The following ELP3 variants were observed in gnomAD, a reference collection of about 807,000 sequenced individuals.
ELP3 encodes elongator acetyltransferase complex subunit 3, also known as elongator complex protein 3.
A neutral mutation model predicts 74.9 loss-of-function variants in ELP3; 56 were observed. That is an observed-to-expected ratio of 0.75 (90% CI 0.60 to 0.93). ELP3 has a LOEUF of 0.93. Ranked by LOEUF, ELP3 falls within the 40% of genes least tolerant of loss-of-function variation. The pLI, the probability that ELP3 is intolerant of heterozygous loss-of-function variation, is 0.00. For missense variants in ELP3, 573 were observed against 686.5 expected, an observed-to-expected ratio of 0.83 and a Z score of 1.85; for synonymous variants, 222 against 239.8, an observed-to-expected ratio of 0.93 and a Z score of 0.68.
At chr8:28,104,544 A>T (rs1429919806) in intron 3 of ELP3, among the ~76,000 whole-genome samples, 4 of 152,170 alleles carry the variant, frequency 2.6e-5, no homozygotes, top group African/African-American at 9.7e-5. Flanking sequence ...TAGTCTGGAC[A>T]TTTCCTTTGT....
At chr8:28,187,337 G>A (rs538208735) in intron 14 of ELP3, among the ~76,000 whole-genome samples, 3 of 152,136 alleles carry the variant, frequency 2.0e-5, no homozygotes, top group African/African-American at 4.8e-5. Context: ...AATATTTACC[G>A]TGTACCTCAC....
At chr8:28,125,501 T>C (rs906693145) in intron 7 of ELP3, among the ~76,000 whole-genome samples, 8 of 152,198 alleles carry the variant, frequency 5.3e-5, no homozygotes, top group African/African-American at 1.9e-4. Context: ...CCCACCTCTT[T>C]GATACCACAG....
At position 28,107,895 on chromosome 8, in the gene ELP3, CT is replaced by C. The variant is rs764772545; in HGVS notation, c.330-14del. 2 of 1,611,848 alleles carry C rather than the reference CT, an allele frequency of 1.2e-6. No individual in the cohort carries two copies. Reference sequence around the variant, plus strand: ...CAGTTTTGCATCTGACATTCTTGTTCTTTTGTTGTACTGGCAGATACTGCCC... The same window carrying C: ...CAGTTTTGCATCTGACATTCTTGTTCTTTGTTGTACTGGCAGATACTGCCC... On this transcript the variant is annotated splice_polypyrimidine_tract_variant and intron_variant, in intron 4 of 14. Coordinates refer to ENST00000256398, the MANE Select transcript of ELP3 (RefSeq NM_018091.6).
At chr8:28,090,633 C>A (rs1351083108), upstream of ELP3, among the ~76,000 whole-genome samples, 2 of 152,004 alleles carry the variant, frequency 1.3e-5, no homozygotes, top group Non-Finnish European at 2.9e-5. Context: ...TGTGTCTTTT[C>A]TTCTCCCCTC....
intron 1 of ELP3, among the ~76,000 whole-genome samples, chr8:28,096,554 T>C (rs886458283): frequency 3.3e-5 from 5 of 152,248 alleles, no homozygotes; most frequent in Non-Finnish European, 7.3e-5. Flanking sequence ...TGCCCATCCT[T>C]GAACCAATCC....
chr8:28,114,625 C>A (rs1812051727), intron 7 of ELP3, among the ~76,000 whole-genome samples: 1 of 152,112 alleles, frequency 6.6e-6, no homozygotes, highest in South Asian at 2.1e-4. Context: ...GCCCCAGGAC[C>A]CAAACACCTC....
At chr8:28,163,274 A>G (rs1293446106) in intron 14 of ELP3, among the ~76,000 whole-genome samples, 1 of 152,260 alleles carries the variant, frequency 6.6e-6, no homozygotes, top group East Asian at 1.9e-4. Context: ...TTTTTCATCC[A>G]GCATGTTTGT....
At chr8:28,122,925 ACCAG>A (rs1812429994) in intron 7 of ELP3, among the ~76,000 whole-genome samples, 1 of 152,162 alleles carries the variant, frequency 6.6e-6, no homozygotes, top group African/African-American at 2.4e-5. Context: ...GGAGTTCGAG[ACCAG>A]CCTGGCCAAC....
rs71222539 is a variant in ELP3, at chr8:28,139,298, G to GTT, written c.1100+1414_1100+1415dup. On this transcript the variant is annotated intron_variant, in intron 10 of 14. Coordinates refer to ENST00000256398, the MANE Select transcript of ELP3 (RefSeq NM_018091.6). ...ATATATTAAGGATACTGGGTGCTAG[G>GTT]TTTTTTTTGTTATCTTAGAAGTCAA... is the stretch of plus-strand genomic sequence containing the variant. Among the ~76,000 whole-genome samples the GTT allele has an allele frequency of 4.6e-5, 7 of 151,872 alleles. 1 individual carries two copies. In the South Asian group the frequency reaches 8.3e-4, roughly 18 times the overall value.
At chr8:28,112,286 G>A (rs1353806572) in intron 6 of ELP3, among the ~76,000 whole-genome samples, 2 of 151,910 alleles carry the variant, frequency 1.3e-5, no homozygotes, top group African/African-American at 2.4e-5. Flanking sequence ...TGGGATTACG[G>A]CATGTCTGGC....
intron 9 of ELP3, among the ~76,000 whole-genome samples, chr8:28,136,229 T>G (rs1421218707): frequency 6.6e-6 from 1 of 152,232 alleles, no homozygotes; most frequent in Admixed American, 6.5e-5. Flanking sequence ...CCCAACGTGC[T>G]GGGATTACAG....
rs769427300 is a variant in ELP3, at chr8:28,189,727, G to C, written c.*2G>C. 5 of 1,613,598 alleles carry C rather than the reference G, an allele frequency of 3.1e-6. No individual in the cohort carries two copies. Among genetic ancestry groups the C allele is most frequent in the Non-Finnish European group, 4.2e-6 (5 of 1,179,570 alleles). On this transcript the variant is annotated 3_prime_UTR_variant, in exon 15 of 15. Coordinates refer to ENST00000256398, the MANE Select transcript of ELP3 (RefSeq NM_018091.6). ...TACATGGTGAAGATGCTGAAATAAT[G>C]GCCACACCAGTCCACTCTTCTGCAG...
Position 28,099,856 on chromosome 8 carries a change from G to A in ELP3, c.148G>A (p.Gly50Ser), listed in dbSNP as rs369833328. ...GAAAACCAAGACAGCTGCCAAATAT[G>A]GCCTTTCTGCCCAGCCCCGCCTGGT... is the stretch of plus-strand genomic sequence containing the variant. ...KVKTKTAAKY[G>S]LSAQPRLVDI... is the part of the protein sequence containing the mutation. The change falls in exon 3 of 15, where the codon GGC (glycine) becomes AGC (serine). Residue 50 changes from glycine to serine, a missense_variant. Coordinates refer to ENST00000256398, the MANE Select transcript of ELP3 (RefSeq NM_018091.6). The A allele has an allele frequency of 6.4e-5, 103 of 1,614,074 alleles. No individual in the cohort carries two copies. Among genetic ancestry groups the A allele is most frequent in the Non-Finnish European group, 8.4e-5 (99 of 1,180,050 alleles).
chr8:28,155,081 A>G (rs1813775999), intron 10 of ELP3, among the ~76,000 whole-genome samples: 1 of 152,232 alleles, frequency 6.6e-6, no homozygotes, highest in Admixed American at 6.5e-5. Context: ...AAGAGGAGGA[A>G]AAGACTCAAG....
chr8:28,160,529 A>T, intron 13 of ELP3, 73 bp downstream of exon 13: 1 of 1,345,204 alleles, frequency 7.4e-7, no homozygotes, highest in South Asian at 1.3e-5. Context: ...GAATGGGGTG[A>T]AGAGAAGAGG....
intron 9 of ELP3, 151 bp downstream of exon 9, chr8:28,132,555 A>G: frequency 1.0e-6 from 1 of 993,482 alleles, no homozygotes; most frequent in South Asian, 1.8e-5. Flanking sequence ...GGTAAGAGAC[A>G]TCACCCATAG....
rs557540102 is a variant in ELP3 at position 28,094,112 on chromosome 8, A to T, written c.19+879A>T. Among the ~76,000 whole-genome samples, 16 of 152,332 alleles carry T rather than the reference A, an allele frequency of 1.1e-4. No homozygotes were observed. The South Asian group carries it at 2.7e-3, about 26-fold the overall frequency. ...ATTCTAAGTGTCCAAGTTACCTTAG[A>T]TTAAGTCTTGTCATATTTGCATGCC... On this transcript the variant is annotated intron_variant, in intron 1 of 14. Coordinates refer to ENST00000256398, the MANE Select transcript of ELP3 (RefSeq NM_018091.6).
rs1457309437 is a variant in ELP3 at position 28,121,318 on chromosome 8, A to T, written c.617+8145A>T. On this transcript the variant is annotated intron_variant, in intron 7 of 14. Transcript: ENST00000256398. The stretch of plus-strand genomic sequence containing the variant: ...TTCATTTTTAAATTTTATTATTATT[A>T]TTATTATTTTTTTTTTTTTGAATCG... 1.2e-4 allele frequency among the ~76,000 whole-genome samples: 18 copies of T among 146,568 alleles called. No individual in the cohort carries two copies. The East Asian group carries it at 2.4e-3, about 20-fold the overall frequency.
intron 10 of ELP3, among the ~76,000 whole-genome samples, chr8:28,139,100 G>T (rs1488243503): frequency 1.3e-5 from 2 of 152,166 alleles, no homozygotes; most frequent in African/African-American, 4.8e-5. Flanking sequence ...CAGAGGCGTG[G>T]TGCAGGCTGA....
Sources: gnomAD v4.1 joint callset for allele counts (sites outside exome capture counted in the v4.1 genomes callset) on GRCh38, gnomAD v4.1.1 for gene constraint, MANE v1.5 for transcripts, NCBI Gene and HGNC (gene_info 2026-07-23, HGNC 2026-07-21) for gene names.